The following ROBO1 variants were observed in gnomAD, a reference collection of about 807,000 sequenced individuals.
The protein encoded by ROBO1 is roundabout guidance receptor 1, also known as roundabout homolog 1.
In ROBO1, 149 loss-of-function variants were observed where a neutral mutation model predicts 195.9. The observed-to-expected ratio is 0.76, with a 90% CI of 0.67 to 0.87. The LOEUF (loss-of-function observed/expected upper bound fraction) is 0.87. ROBO1 is among the 40% of genes least tolerant of loss of function. The pLI, the probability that ROBO1 is intolerant of heterozygous loss-of-function variation, is 0.00. For missense variants in ROBO1, 1,933 were observed against 2,068.3 expected (o/e 0.93, Z 1.27); for synonymous variants, 816 against 733.2 (o/e 1.11, Z -1.82).
chr3:79,735,694 C>A lies in ROBO1; in HGVS notation c.-51+32058G>T, dbSNP rs531648289. Among the ~76,000 whole-genome samples the A allele has an allele frequency of 1.4e-4, 21 of 152,082 alleles. No individual in the cohort carries two copies. In the South Asian group the frequency reaches 4.4e-3, roughly 32 times the overall value. On this transcript the variant is annotated intron_variant, in intron 1 of 30. Transcript: ENST00000464233. The stretch of plus-strand genomic sequence containing the variant: ...GACCATCCTGGCTAACAGGGTGAAA[C>A]CCCGTCTCTACTAAAAATCCAGAAA...
intron 3 of ROBO1, among the ~76,000 whole-genome samples, chr3:79,070,737 C>T (rs1246401242): frequency 7.2e-5 from 11 of 151,824 alleles, no homozygotes; most frequent in African/African-American, 2.4e-4. Flanking sequence ...CCATGTACCT[C>T]TTTATCTTTG....
chr3:79,084,559 G>C (rs1480799622), intron 3 of ROBO1, among the ~76,000 whole-genome samples: 1 of 152,152 alleles, frequency 6.6e-6, no homozygotes, highest in African/African-American at 2.4e-5. Context: ...CTAAAATTTA[G>C]TGAGTGTTTT....
intron 5 of ROBO1, among the ~76,000 whole-genome samples, chr3:78,744,487 C>G (rs553042301): frequency 6.6e-6 from 1 of 152,196 alleles, no homozygotes; most frequent in Non-Finnish European, 1.5e-5. Context: ...TAAGAGCCTA[C>G]GCAGTTGGAC....
chr3:79,409,943 T>TAC (rs1353208837), intron 2 of ROBO1, among the ~76,000 whole-genome samples: 2 of 152,100 alleles, frequency 1.3e-5, no homozygotes, highest in Non-Finnish European at 1.5e-5. Context: ...CATATATATA[T>TAC]ACACACATAT....
chr3:79,197,933 A>G (rs974465305), intron 2 of ROBO1, among the ~76,000 whole-genome samples: 3 of 150,598 alleles, frequency 2.0e-5, no homozygotes, highest in African/African-American at 7.3e-5. Flanking sequence ...GATTCTGGAT[A>G]TTAGCCCTTT....
At chr3:79,594,530 AGTTATAAGT>A in intron 1 of ROBO1, among the ~76,000 whole-genome samples, 1 of 152,156 alleles carries the variant, frequency 6.6e-6, no homozygotes, top group Non-Finnish European at 1.5e-5. Context: ...TTTACTTGTA[AGTTATAAGT>A]GTATGGAAGT....
intron 2 of ROBO1, among the ~76,000 whole-genome samples, chr3:79,458,421 C>T (rs2039688966): frequency 6.6e-6 from 1 of 152,096 alleles, no homozygotes; most frequent in Non-Finnish European, 1.5e-5. Context: ...TGTTCCACAA[C>T]AGTGAGTATG....
chr3:78,884,649 A>T (rs111548449), intron 4 of ROBO1, among the ~76,000 whole-genome samples: 1 of 14,254 alleles, frequency 7.0e-5, no homozygotes. Flanking sequence ...GAAAGAAAGA[A>T]AGGAAGGAAG....
At chr3:78,879,466 A>C (rs987477058) in intron 4 of ROBO1, among the ~76,000 whole-genome samples, 13 of 152,070 alleles carry the variant, frequency 8.5e-5, no homozygotes, top group Non-Finnish European at 1.8e-4. Context: ...AGCAAAACTG[A>C]AGTAGCATTT....
At chr3:78,795,436 G>T (rs2084156180) in intron 4 of ROBO1, among the ~76,000 whole-genome samples, 2 of 152,024 alleles carry the variant, frequency 1.3e-5, no homozygotes, top group African/African-American at 2.4e-5. Context: ...TACCCTTAAG[G>T]GACAGCTTTG....
intron 2 of ROBO1, among the ~76,000 whole-genome samples, chr3:79,382,425 C>A (rs2036606120): frequency 2.0e-5 from 3 of 151,546 alleles, no homozygotes; most frequent in African/African-American, 4.9e-5. Flanking sequence ...TATAAATTTT[C>A]ACAGAGGTGA....
chr3:79,546,957 G>T (rs995456185), intron 2 of ROBO1, among the ~76,000 whole-genome samples: 1 of 151,926 alleles, frequency 6.6e-6, no homozygotes, highest in Non-Finnish European at 1.5e-5. Context: ...CGAGGCGGGC[G>T]GATCACGAGG....
rs554723012 is a variant in ROBO1 at position 79,270,127 on chromosome 3, A to G, written c.89-144588T>C. Among the ~76,000 whole-genome samples the G allele has an allele frequency of 4.0e-5, 6 of 151,668 alleles. 1 individual carries two copies. The highest frequency in any genetic ancestry group is 1.4e-4 in the African/African-American group (6 of 41,412). ...TCGACTAGGACATGAAAAGAAATGC[A>G]TAAGTGTTGTCGATGTTCCTTGGGG... On this transcript the variant is annotated intron_variant, in intron 2 of 30. Transcript: ENST00000464233.
intron 2 of ROBO1, among the ~76,000 whole-genome samples, chr3:79,175,031 T>C (rs1387508839): frequency 6.6e-6 from 1 of 152,148 alleles, no homozygotes; most frequent in Non-Finnish European, 1.5e-5. Flanking sequence ...AAAAACTAAA[T>C]GCCAGTTAGA....
At chr3:79,660,674 A>G (rs1223784974) in intron 1 of ROBO1, among the ~76,000 whole-genome samples, 3 of 152,146 alleles carry the variant, frequency 2.0e-5, no homozygotes, top group African/African-American at 7.2e-5. Context: ...GGCCATGACC[A>G]TCAGAATATA....
At chr3:78,749,000 A>T (rs899054919) in intron 4 of ROBO1, among the ~76,000 whole-genome samples, 3 of 152,176 alleles carry the variant, frequency 2.0e-5, no homozygotes, top group African/African-American at 7.2e-5. Context: ...ATAATAAAAG[A>T]ACAGAGTATA....
intron 2 of ROBO1, among the ~76,000 whole-genome samples, chr3:79,584,253 AATATAT>A (rs10526101): frequency 0.02 from 2,945 of 144,582 alleles, 113 homozygotes; most frequent in African/African-American, 0.068. Flanking sequence ...AGGTACATGT[AATATAT>A]ATATATATAT....
chr3:79,263,360 A>T (rs1440244632), intron 2 of ROBO1, among the ~76,000 whole-genome samples: 1 of 152,050 alleles, frequency 6.6e-6, no homozygotes, highest in African/African-American at 2.4e-5. Context: ...AGCTTTCTCA[A>T]GATCAGGGCT....
At chr3:79,565,327 T>C (rs1943055765) in intron 2 of ROBO1, among the ~76,000 whole-genome samples, 1 of 151,934 alleles carries the variant, frequency 6.6e-6, no homozygotes, top group Non-Finnish European at 1.5e-5. Context: ...ACATTGATTC[T>C]CGGTGTCTTT....
Sources: gnomAD v4.1 joint callset for allele counts (sites outside exome capture counted in the v4.1 genomes callset) on GRCh38, gnomAD v4.1.1 for gene constraint, MANE v1.5 for transcripts, NCBI Gene and HGNC (gene_info 2026-07-23, HGNC 2026-07-21) for gene names.